Variants in HCN1 observed in about 807,000 individuals in gnomAD.
The protein encoded by HCN1 is potassium/sodium hyperpolarization-activated cyclic nucleotide-gated channel 1.
HCN1 carries 13 observed loss-of-function variants against 78.9 expected under a neutral mutation model. The ratio of observed to expected loss-of-function variants is 0.16; its 90% CI spans 0.11 to 0.26. HCN1 has a LOEUF of 0.26. HCN1 is among the 10% of genes least tolerant of loss of function. HCN1 has a pLI of 1.00. For synonymous variants in HCN1, 552 were observed against 455.5 expected (o/e 1.21, Z -2.70); for missense variants, 810 against 1,154.3 (o/e 0.70, Z 4.32).
At chr5:45,580,413 A>C (rs976980284) in intron 2 of HCN1, among the ~76,000 whole-genome samples, 1 of 152,050 alleles carries the variant, frequency 6.6e-6, no homozygotes, top group African/African-American at 2.4e-5. Context: ...TGGAAAAGGC[A>C]ATGAAACAAC....
intron 2 of HCN1, among the ~76,000 whole-genome samples, chr5:45,548,151 G>A (rs1743267658): frequency 6.6e-6 from 1 of 151,516 alleles, no homozygotes; most frequent in South Asian, 2.1e-4. Flanking sequence ...CTCTAGAATT[G>A]CCTAGGTTTT....
chr5:45,528,614 C>T (rs1359137806), intron 2 of HCN1, among the ~76,000 whole-genome samples: 1 of 151,916 alleles, frequency 6.6e-6, no homozygotes, highest in Non-Finnish European at 1.5e-5. Context: ...AGCATATTAA[C>T]TATGCTGCTT....
intron 6 of HCN1, among the ~76,000 whole-genome samples, chr5:45,276,286 C>A (rs1745056620): frequency 6.6e-6 from 1 of 151,996 alleles, no homozygotes; most frequent in Non-Finnish European, 1.5e-5. Flanking sequence ...TTGTTTAATG[C>A]AAAAATTCAT....
intron 2 of HCN1, among the ~76,000 whole-genome samples, chr5:45,586,159 C>T (rs1172957634): frequency 6.6e-6 from 1 of 152,192 alleles, no homozygotes; most frequent in African/African-American, 2.4e-5. Context: ...CCTTGAGCCG[C>T]AGCTGGGCTC....
At chr5:45,534,198 C>G (rs548135264) in intron 2 of HCN1, among the ~76,000 whole-genome samples, 7 of 151,212 alleles carry the variant, frequency 4.6e-5, no homozygotes, top group African/African-American at 1.2e-4. Context: ...GAGTTTGAGA[C>G]CAGCCTAGCC....
At chr5:45,528,728 T>C (rs1176646241) in intron 2 of HCN1, among the ~76,000 whole-genome samples, 2 of 151,982 alleles carry the variant, frequency 1.3e-5, no homozygotes, top group Non-Finnish European at 2.9e-5. Context: ...CCCCACACTA[T>C]CTTCAAAATC....
chr5:45,628,278 C>T (rs1013269049), intron 2 of HCN1, among the ~76,000 whole-genome samples: 1 of 152,158 alleles, frequency 6.6e-6, no homozygotes, highest in East Asian at 1.9e-4. Flanking sequence ...ACATGGCTCA[C>T]ATGTTCCCAC....
At chr5:45,417,302 A>G (rs1320606266) in intron 3 of HCN1, among the ~76,000 whole-genome samples, 6 of 151,910 alleles carry the variant, frequency 3.9e-5, no homozygotes, top group African/African-American at 1.4e-4. Context: ...TGTTTCTATA[A>G]TATTTTAGTA....
At chr5:45,593,703 C>T (rs1240667863) in intron 2 of HCN1, among the ~76,000 whole-genome samples, 1 of 151,542 alleles carries the variant, frequency 6.6e-6, no homozygotes, top group East Asian at 1.9e-4. Context: ...AAGACAGAGT[C>T]TTGCTCTTTT....
At chr5:45,442,361 A>G (rs561192532) in intron 3 of HCN1, among the ~76,000 whole-genome samples, 2 of 152,192 alleles carry the variant, frequency 1.3e-5, no homozygotes, top group South Asian at 4.1e-4. Flanking sequence ...TCTGTTCTCA[A>G]CCATAAGAAC....
chr5:45,669,526 A>G (rs1416266748), intron 1 of HCN1, among the ~76,000 whole-genome samples: 2 of 151,856 alleles, frequency 1.3e-5, no homozygotes, highest in African/African-American at 4.8e-5. Context: ...GGAATTGTAT[A>G]GATTTGAGAA....
chr5:45,600,808 A>G (rs1744607131), intron 2 of HCN1, among the ~76,000 whole-genome samples: 2 of 152,180 alleles, frequency 1.3e-5, no homozygotes, highest in Non-Finnish European at 2.9e-5. Context: ...GGGGACTCCT[A>G]ACTTCTATAT....
intron 5 of HCN1, among the ~76,000 whole-genome samples, chr5:45,344,968 C>A (rs2111970084): frequency 6.6e-6 from 1 of 152,314 alleles, no homozygotes; most frequent in East Asian, 1.9e-4. Context: ...ACTGCCCTAG[C>A]AGAGGTTCTC....
At chr5:45,438,611 A>G (rs551045693) in intron 3 of HCN1, among the ~76,000 whole-genome samples, 1 of 151,834 alleles carries the variant, frequency 6.6e-6, no homozygotes, top group Admixed American at 6.6e-5. Flanking sequence ...AACAAAACAA[A>G]CAAAAAAAGA....
At chr5:45,689,230 T>C (rs1470134056) in intron 1 of HCN1, among the ~76,000 whole-genome samples, 2 of 152,040 alleles carry the variant, frequency 1.3e-5, no homozygotes, top group African/African-American at 2.4e-5. Flanking sequence ...CAAACTACCA[T>C]GGCACATGTT....
chr5:45,440,611 C>T (rs1414544418), intron 3 of HCN1, among the ~76,000 whole-genome samples: 3 of 152,154 alleles, frequency 2.0e-5, no homozygotes, highest in African/African-American at 7.2e-5. Context: ...TCACATCAAA[C>T]TCCCTGTGCT....
At chr5:45,673,153 G>T (rs1746186930) in intron 1 of HCN1, among the ~76,000 whole-genome samples, 1 of 151,326 alleles carries the variant, frequency 6.6e-6, no homozygotes, top group Non-Finnish European at 1.5e-5. Context: ...CATATACTTT[G>T]TAAAATGACC....
chr5:45,374,650 G>T lies in HCN1; in HGVS notation c.1231-21404C>A, dbSNP rs568691975. 3.0e-4 allele frequency among the ~76,000 whole-genome samples: 45 copies of T among 150,264 alleles called. 1 individual carries two copies. In the South Asian group the frequency reaches 9.0e-3, roughly 30 times the overall value. On this transcript the variant is annotated intron_variant, in intron 4 of 7. Transcript: ENST00000303230. ...ACTCCTTCCTAACTCATTCTATGAG[G>T]CCAGCATCATCCTGATACCAAAACC...
In HCN1 at chr5:45,351,260, A is replaced by G. The variant is rs530998136; in HGVS notation, c.1377+1840T>C. Reference sequence around the variant, plus strand: ...ATCTGATCTTTGACAAACCTGAGAAAAACAAGCAATGGGGAAAGGATTCCC... The same window carrying G: ...ATCTGATCTTTGACAAACCTGAGAAGAACAAGCAATGGGGAAAGGATTCCC... On this transcript the variant is annotated intron_variant, in intron 5 of 7. Transcript: ENST00000303230. Among the ~76,000 whole-genome samples, 377 of 151,280 alleles carry G rather than the reference A, an allele frequency of 2.5e-3. 1 individual carries two copies. The highest frequency in any genetic ancestry group is 8.8e-3 in the African/African-American group (358 of 40,884).
Sources: allele counts gnomAD v4.1 joint callset (sites outside exome capture counted in the v4.1 genomes callset), GRCh38; gene constraint gnomAD v4.1.1; transcripts MANE v1.5; gene names NCBI Gene and HGNC (gene_info 2026-07-23, HGNC 2026-07-21).